Variants in RNLS observed in about 807,000 individuals in gnomAD.
RNLS encodes renalase, FAD dependent amine oxidase.
RNLS carries 39 observed loss-of-function variants against 39.8 expected under a neutral mutation model. The ratio of observed to expected loss-of-function variants is 0.98; its 90% CI spans 0.76 to 1.28. The LOEUF is 1.28. Ranked by LOEUF, RNLS falls within the 50% of genes most tolerant of loss-of-function variation. The pLI is 0.00. For synonymous variants in RNLS, 147 were observed against 150.7 expected (o/e 0.98, Z 0.18); for missense variants, 410 against 413.3 (o/e 0.99, Z 0.07).
chr10:88,404,274 A>G (rs911281240), intron 4 of RNLS, among the ~76,000 whole-genome samples: 5 of 152,094 alleles, frequency 3.3e-5, no homozygotes, highest in African/African-American at 1.2e-4. Context: ...CTGAGAATCA[A>G]TTGATCTTGG....
intron 4 of RNLS, among the ~76,000 whole-genome samples, chr10:88,504,840 A>T (rs1589914506): frequency 1.2e-5 from 1 of 81,170 alleles, no homozygotes; most frequent in Non-Finnish European, 2.5e-5. Context: ...AGAGAGAGAG[A>T]CAGAGTGTGT....
chr10:88,460,663 A>G (rs1449685355), intron 4 of RNLS, among the ~76,000 whole-genome samples: 1 of 152,122 alleles, frequency 6.6e-6, no homozygotes, highest in Non-Finnish European at 1.5e-5. Context: ...GCTACCCCCA[A>G]ATACTAGTTG....
chr10:88,412,261 T>C (rs772002194), intron 4 of RNLS, among the ~76,000 whole-genome samples: 56 of 152,068 alleles, frequency 3.7e-4, no homozygotes, highest in Non-Finnish European at 7.4e-4. Context: ...CTTACGTGGA[T>C]CCTATTATTT....
the RNLS span, among the ~76,000 whole-genome samples, chr10:88,245,303 C>G: frequency 6.6e-6 from 1 of 152,108 alleles, no homozygotes; most frequent in Non-Finnish European, 1.5e-5. Context: ...ATTGTTCGTT[C>G]AAAAGATCTG....
the RNLS span, among the ~76,000 whole-genome samples, chr10:88,248,526 C>T: frequency 1.3e-5 from 2 of 152,194 alleles, no homozygotes; most frequent in South Asian, 2.1e-4. Context: ...TGCCCCTGGA[C>T]ACTCATTTCC....
At chr10:88,454,598 T>C (rs774833105) in intron 4 of RNLS, among the ~76,000 whole-genome samples, 1 of 152,214 alleles carries the variant, frequency 6.6e-6, no homozygotes, top group Non-Finnish European at 1.5e-5. Context: ...CAAGGTCAAC[T>C]CCTTACTGAA....
intron 4 of RNLS, among the ~76,000 whole-genome samples, chr10:88,451,845 T>C (rs377269731): frequency 1.3e-5 from 2 of 152,314 alleles, no homozygotes; most frequent in East Asian, 3.9e-4. Context: ...TCCTTTCTTC[T>C]CCGATACTTT....
the RNLS span, among the ~76,000 whole-genome samples, chr10:88,200,724 T>C: frequency 1.3e-5 from 2 of 152,164 alleles, no homozygotes; most frequent in Admixed American, 1.3e-4. Context: ...GGGACATTTG[T>C]TGTAGTAGAT....
At chr10:88,541,125 T>C (rs1185237687) in intron 4 of RNLS, among the ~76,000 whole-genome samples, 1 of 152,214 alleles carries the variant, frequency 6.6e-6, no homozygotes, top group African/African-American at 2.4e-5. Flanking sequence ...TGACCATTTC[T>C]GTTATATAGA....
intron 4 of RNLS, among the ~76,000 whole-genome samples, chr10:88,463,111 T>C (rs145646215): frequency 5.3e-5 from 8 of 152,150 alleles, no homozygotes; most frequent in South Asian, 2.1e-4. Context: ...GACTGTGTTA[T>C]GGGTTGGATC....
At chr10:88,343,667 G>A (rs1848117699) in intron 5 of RNLS, 1 of 985,130 alleles carries the variant, frequency 1.0e-6, no homozygotes, top group Non-Finnish European at 1.2e-6. Context: ...CAAAGAAAAG[G>A]CCACATTTAG....
the RNLS span, among the ~76,000 whole-genome samples, chr10:88,259,934 G>T: frequency 2.0e-5 from 3 of 152,086 alleles, no homozygotes; most frequent in Non-Finnish European, 4.4e-5. Flanking sequence ...TAGAGACGGG[G>T]TTTCACCATG....
At chr10:88,207,941 C>T in the RNLS span, among the ~76,000 whole-genome samples, 25 of 152,162 alleles carry the variant, frequency 1.6e-4, no homozygotes, top group African/African-American at 6.0e-4. Flanking sequence ...GTTTATGGCT[C>T]AGCCGCCTCA....
At chr10:88,432,432 T>C (rs555558959) in intron 4 of RNLS, among the ~76,000 whole-genome samples, 8 of 151,976 alleles carry the variant, frequency 5.3e-5, no homozygotes, top group Non-Finnish European at 2.9e-5. Context: ...TGTTTTTTTA[T>C]TGGAGCATTT....
intron 4 of RNLS, among the ~76,000 whole-genome samples, chr10:88,480,819 G>GTGTA (rs554784760): frequency 0.07 from 10,535 of 151,262 alleles, 481 homozygotes; most frequent in Admixed American, 0.14. Context: ...GTGTGTGTGT[G>GTGTA]TATGTGTTCT....
chr10:88,254,342 C>T, the RNLS span, among the ~76,000 whole-genome samples: 1 of 152,226 alleles, frequency 6.6e-6, no homozygotes, highest in East Asian at 1.9e-4. Context: ...CAGAGTCTTT[C>T]TCCCCAAACT....
intron 4 of RNLS, among the ~76,000 whole-genome samples, chr10:88,507,268 C>A (rs919784786): frequency 2.0e-5 from 3 of 151,986 alleles, no homozygotes; most frequent in Non-Finnish European, 4.4e-5. Flanking sequence ...GACACACACA[C>A]GCACACACAC....
chr10:88,505,663 T>A (rs939301955), intron 4 of RNLS, among the ~76,000 whole-genome samples: 1 of 152,148 alleles, frequency 6.6e-6, no homozygotes, highest in African/African-American at 2.4e-5. Flanking sequence ...GAAATTTATA[T>A]CACCTTTCCC....
intron 5 of RNLS, among the ~76,000 whole-genome samples, chr10:88,317,402 T>C (rs1589535536): frequency 6.6e-6 from 1 of 152,196 alleles, no homozygotes; most frequent in South Asian, 2.1e-4. Context: ...TCCTAGGTAA[T>C]ATTCTTGTTT....
Sources: allele counts gnomAD v4.1 joint callset (sites outside exome capture counted in the v4.1 genomes callset), GRCh38; gene constraint gnomAD v4.1.1; transcripts MANE v1.5; gene names NCBI Gene and HGNC (gene_info 2026-07-23, HGNC 2026-07-21).